The following GALNT13 variants were observed in gnomAD, a reference collection of about 807,000 sequenced individuals.
GALNT13 encodes the protein UDP-GalNAc:polypeptide N-acetylgalactosaminyltransferase 13.
A neutral mutation model predicts 64.2 loss-of-function variants in GALNT13; 28 were observed. The ratio of observed to expected loss-of-function variants is 0.44; its 90% confidence interval spans 0.32 to 0.60. The LOEUF (loss-of-function observed/expected upper bound fraction) is 0.60. Among genes scored for constraint, GALNT13 ranks in the 20% least tolerant of loss-of-function variants. GALNT13 has a pLI of 0.05. For synonymous variants in GALNT13, 214 were observed against 224.6 expected, an observed-to-expected ratio of 0.95 and a Z score of 0.42; for missense variants, 577 against 669.8, an observed-to-expected ratio of 0.86 and a Z score of 1.53.
chr2:153,293,684 C>T, the GALNT13 span, among the ~76,000 whole-genome samples: 2 of 151,916 alleles, frequency 1.3e-5, no homozygotes, highest in African/African-American at 2.4e-5. Context: ...TATGGATATC[C>T]GTGTTGAAAC....
the GALNT13 span, among the ~76,000 whole-genome samples, chr2:153,096,087 A>G: frequency 6.6e-6 from 1 of 151,810 alleles, no homozygotes; most frequent in African/African-American, 2.4e-5. Context: ...AAAAAAACAA[A>G]TTTTTCAGTT....
At chr2:153,916,981 C>G (rs1332855164) in intron 2 of GALNT13, among the ~76,000 whole-genome samples, 2 of 152,164 alleles carry the variant, frequency 1.3e-5, no homozygotes, top group African/African-American at 4.8e-5. Flanking sequence ...AAAGGTTTCT[C>G]TTTAACCTTT....
At chr2:153,277,404 T>C in the GALNT13 span, among the ~76,000 whole-genome samples, 12 of 152,192 alleles carry the variant, frequency 7.9e-5, no homozygotes, top group Non-Finnish European at 1.6e-4. Flanking sequence ...TTTCCGGCTG[T>C]GTCGTATTCT....
chr2:153,515,306 G>T, the GALNT13 span, among the ~76,000 whole-genome samples: 2 of 152,056 alleles, frequency 1.3e-5, no homozygotes, highest in African/African-American at 4.8e-5. Context: ...AGCTCCCTCT[G>T]CTCCTGCAGC....
the GALNT13 span, chr2:153,478,332 G>A: frequency 6.2e-7 from 1 of 1,614,132 alleles, no homozygotes; most frequent in Non-Finnish European, 8.5e-7. Context: ...TGAGCAGATT[G>A]CAGCCGAGGA....
chr2:153,288,070 AGTT>A, the GALNT13 span, among the ~76,000 whole-genome samples: 2 of 152,190 alleles, frequency 1.3e-5, no homozygotes, highest in Non-Finnish European at 2.9e-5. Context: ...TCTGGGGCAT[AGTT>A]GGTAAAACCC....
At chr2:153,920,329 C>T (rs551085414) in intron 2 of GALNT13, among the ~76,000 whole-genome samples, 2 of 152,086 alleles carry the variant, frequency 1.3e-5, no homozygotes, top group East Asian at 3.9e-4. Flanking sequence ...AATAAGGCAC[C>T]TCACCTACAA....
chr2:153,474,832 C>G, the GALNT13 span, among the ~76,000 whole-genome samples: 11 of 152,206 alleles, frequency 7.2e-5, no homozygotes, highest in African/African-American at 2.4e-4. Context: ...CAGGGACTCC[C>G]ACTAATTACT....
the GALNT13 span, among the ~76,000 whole-genome samples, chr2:153,195,672 G>A: frequency 6.6e-6 from 1 of 152,224 alleles, no homozygotes; most frequent in Non-Finnish European, 1.5e-5. Flanking sequence ...TCTCCTTCTT[G>A]TCACCTGCAA....
chr2:153,362,839 A>C, the GALNT13 span, among the ~76,000 whole-genome samples: 1 of 152,132 alleles, frequency 6.6e-6, no homozygotes, highest in African/African-American at 2.4e-5. Context: ...AGACAAAATT[A>C]ACAAGGATAT....
At chr2:153,345,604 A>ATTTCTTTTCT in the GALNT13 span, among the ~76,000 whole-genome samples, 17 of 128,616 alleles carry the variant, frequency 1.3e-4, no homozygotes, top group South Asian at 2.5e-4. Context: ...GTGCCCTCCC[A>ATTTCTTTTCT]TTTCTTTTCT....
intron 9 of GALNT13, among the ~76,000 whole-genome samples, chr2:154,302,307 G>A (rs1693487661): frequency 6.6e-6 from 1 of 152,002 alleles, no homozygotes; most frequent in African/African-American, 2.4e-5. Context: ...GCCAAAAACT[G>A]AAGCATTTAA....
the GALNT13 span, among the ~76,000 whole-genome samples, chr2:153,769,847 C>G: frequency 6.6e-6 from 1 of 152,124 alleles, no homozygotes; most frequent in African/African-American, 2.4e-5. Context: ...TTCTTTCACT[C>G]AATTTAGCCT....
the GALNT13 span, among the ~76,000 whole-genome samples, chr2:153,507,686 C>G: frequency 6.6e-5 from 10 of 152,132 alleles, no homozygotes; most frequent in African/African-American, 2.4e-4. Context: ...GAGATTTCAT[C>G]TTGGTTTGGA....
the GALNT13 span, among the ~76,000 whole-genome samples, chr2:153,423,929 A>G: frequency 2.6e-5 from 4 of 151,552 alleles, no homozygotes; most frequent in South Asian, 8.3e-4. Flanking sequence ...ATGTTAGACT[A>G]TAAAGTGCCT....
chr2:153,255,799 C>T, the GALNT13 span, among the ~76,000 whole-genome samples: 2 of 152,198 alleles, frequency 1.3e-5, no homozygotes, highest in Non-Finnish European at 2.9e-5. Context: ...TTGGCCCCCA[C>T]TCTCTTCTGG....
chr2:153,631,536 T>C, the GALNT13 span, among the ~76,000 whole-genome samples: 1 of 152,252 alleles, frequency 6.6e-6, no homozygotes, highest in African/African-American at 2.4e-5. Context: ...CATTGTGGTT[T>C]TGATTTGCAT....
At chr2:153,403,210 G>A in the GALNT13 span, among the ~76,000 whole-genome samples, 1 of 150,026 alleles carries the variant, frequency 6.7e-6, no homozygotes, top group Non-Finnish European at 1.5e-5. Context: ...GTATGCCCCT[G>A]CTGGGGGGTG....
At chr2:153,991,899 T>A (rs959306606) in intron 3 of GALNT13, among the ~76,000 whole-genome samples, 1 of 152,106 alleles carries the variant, frequency 6.6e-6, no homozygotes, top group African/African-American at 2.4e-5. Flanking sequence ...TGATGATCAC[T>A]CCTATTTTAC....
Sources: allele counts gnomAD v4.1 joint callset (sites outside exome capture counted in the v4.1 genomes callset), GRCh38; gene constraint gnomAD v4.1.1; transcripts MANE v1.5; gene names NCBI Gene and HGNC (gene_info 2026-07-23, HGNC 2026-07-21).